Variants in TBC1D5 observed in about 807,000 individuals in gnomAD.
TBC1D5 encodes the protein TBC1 domain family member 5.
A neutral mutation model predicts 100.3 loss-of-function variants in TBC1D5; 75 were observed. That is an observed-to-expected ratio of 0.75 (90% CI 0.62 to 0.91). The LOEUF (loss-of-function observed/expected upper bound fraction) is 0.91. Ranked by LOEUF, TBC1D5 falls within the 40% of genes least tolerant of loss-of-function variation. TBC1D5 has a pLI of 0.00. For synonymous variants in TBC1D5, 323 were observed against 325.6 expected, an observed-to-expected ratio of 0.99 and a Z score of 0.09; for missense variants, 910 against 942.4, an observed-to-expected ratio of 0.97 and a Z score of 0.45.
upstream of TBC1D5, among the ~76,000 whole-genome samples, chr3:17,741,907 T>C (rs539687609): frequency 1.5e-4 from 22 of 147,844 alleles, no homozygotes; most frequent in Admixed American, 5.5e-4. Context: ...CACGGTTCCC[T>C]TCCTCAAAAG....
intron 18 of TBC1D5, among the ~76,000 whole-genome samples, chr3:17,208,814 G>A (rs957784275): frequency 3.3e-5 from 5 of 152,170 alleles, no homozygotes; most frequent in African/African-American, 1.2e-4. Context: ...GTCTCCATAT[G>A]CCTTTCTCAT....
At chr3:17,212,419 A>C (rs1174973735) in intron 18 of TBC1D5, among the ~76,000 whole-genome samples, 2 of 152,218 alleles carry the variant, frequency 1.3e-5, no homozygotes, top group Non-Finnish European at 2.9e-5. Flanking sequence ...AGTGAATAAT[A>C]ATAATCGACT....
rs79993467 is a variant in TBC1D5 at position 17,194,315 on chromosome 3, G to C, written c.1753-9107C>G. Reference sequence around the variant, plus strand: ...AAGCGTATTTGGTGACAGTCCGAAAGACCTCTTCTCAACATGGAGTAGGAT... The same window carrying C: ...AAGCGTATTTGGTGACAGTCCGAAACACCTCTTCTCAACATGGAGTAGGAT... On this transcript the variant is annotated intron_variant, in intron 18 of 21. Transcript: ENST00000253692. 3.5e-3 allele frequency among the ~76,000 whole-genome samples: 535 copies of C among 152,334 alleles called. 4 individuals carry two copies. The highest frequency in any genetic ancestry group is 9.9e-3 in the Admixed American group (151 of 15,296).
intron 1 of TBC1D5, among the ~76,000 whole-genome samples, chr3:17,725,049 C>T (rs957972665): frequency 2.6e-5 from 4 of 152,068 alleles, no homozygotes; most frequent in Non-Finnish European, 5.9e-5. Flanking sequence ...TCAATAAATA[C>T]AGTTGTTTTA....
exon 1 of TBC1D5, chr3:17,740,694 C>T (rs1577952815): frequency 6.6e-6 from 1 of 152,204 alleles, no homozygotes; most frequent in East Asian, 1.9e-4. Flanking sequence ...TTCCAAAACT[C>T]AGGAATGCAC....
At chr3:17,673,311 C>CTG (rs1553910520) in intron 1 of TBC1D5, among the ~76,000 whole-genome samples, 2 of 125,982 alleles carry the variant, frequency 1.6e-5, no homozygotes, top group Non-Finnish European at 3.3e-5. Context: ...CTTTTCTTTT[C>CTG]TTTTTTTTTT....
intron 13 of TBC1D5, among the ~76,000 whole-genome samples, chr3:17,324,507 A>G (rs564161461): frequency 6.6e-6 from 1 of 152,098 alleles, no homozygotes; most frequent in South Asian, 2.1e-4. Flanking sequence ...AGCCGGGTGT[A>G]GTGGTGGGCA....
intron 3 of TBC1D5, among the ~76,000 whole-genome samples, chr3:17,505,226 G>A (rs1437712771): frequency 2.6e-5 from 4 of 152,044 alleles, no homozygotes; most frequent in African/African-American, 7.2e-5. Context: ...TTGATCAGGG[G>A]CTGATCCTTC....
intron 3 of TBC1D5, among the ~76,000 whole-genome samples, chr3:17,455,162 GTA>G (rs1266178473): frequency 1.5e-5 from 2 of 136,782 alleles, no homozygotes; most frequent in African/African-American, 5.8e-5. Context: ...AAAAAAAAAA[GTA>G]TACACACACA....
At chr3:17,210,158 G>C (rs968371780) in intron 18 of TBC1D5, among the ~76,000 whole-genome samples, 1 of 151,742 alleles carries the variant, frequency 6.6e-6, no homozygotes, top group South Asian at 2.1e-4. Context: ...GACAGATGTT[G>C]AATCTAGGTT....
intron 1 of TBC1D5, among the ~76,000 whole-genome samples, chr3:17,717,661 GTTAT>G (rs1208991541): frequency 1.3e-5 from 2 of 152,124 alleles, no homozygotes; most frequent in African/African-American, 4.8e-5. Context: ...TAAATGCTGA[GTTAT>G]TTATAATCTA....
At chr3:17,449,782 G>A (rs1380952640) in intron 3 of TBC1D5, among the ~76,000 whole-genome samples, 1 of 152,230 alleles carries the variant, frequency 6.6e-6, no homozygotes, top group East Asian at 1.9e-4. Context: ...AGCACCTGGG[G>A]GAAGGGGCGG....
chr3:17,180,751 T>C (rs749648852), intron 19 of TBC1D5, among the ~76,000 whole-genome samples: 23 of 152,048 alleles, frequency 1.5e-4, no homozygotes, highest in Non-Finnish European at 2.6e-4. Context: ...CATGGAATAA[T>C]AGACACTGGA....
At chr3:17,336,276 C>G (rs1187780426) in intron 13 of TBC1D5, among the ~76,000 whole-genome samples, 1 of 151,800 alleles carries the variant, frequency 6.6e-6, no homozygotes, top group East Asian at 1.9e-4. Context: ...GCCTAGAAAA[C>G]AAAGGGAAGA....
chr3:17,674,755 T>C (rs1380074181), intron 1 of TBC1D5, among the ~76,000 whole-genome samples: 2 of 152,028 alleles, frequency 1.3e-5, no homozygotes, highest in Admixed American at 6.6e-5. Context: ...ACATAGAAAG[T>C]ACAGTAAACA....
At chr3:17,695,862 A>G (rs971459336) in intron 1 of TBC1D5, among the ~76,000 whole-genome samples, 35 of 152,350 alleles carry the variant, frequency 2.3e-4, no homozygotes, top group Admixed American at 1.2e-3. Flanking sequence ...AGCACTCCTC[A>G]GCAAATGTAA....
chr3:17,517,619 G>A (rs1338325789), intron 2 of TBC1D5, among the ~76,000 whole-genome samples: 1 of 152,010 alleles, frequency 6.6e-6, no homozygotes, highest in Non-Finnish European at 1.5e-5. Context: ...CAAAAAAATA[G>A]TTTTTTGATT....
chr3:17,316,765 A>G (rs1336223759), intron 13 of TBC1D5, among the ~76,000 whole-genome samples: 1 of 152,184 alleles, frequency 6.6e-6, no homozygotes, highest in East Asian at 1.9e-4. Flanking sequence ...TGACTTGGCA[A>G]TACTCATCTT....
chr3:17,676,204 T>G (rs1184509010), intron 1 of TBC1D5, among the ~76,000 whole-genome samples: 1 of 152,202 alleles, frequency 6.6e-6, no homozygotes, highest in Admixed American at 6.6e-5. Flanking sequence ...AGAAATAATT[T>G]CAATCCTTCT....
Sources: gnomAD v4.1 joint callset for allele counts (sites outside exome capture counted in the v4.1 genomes callset) on GRCh38, gnomAD v4.1.1 for gene constraint, MANE v1.5 for transcripts, NCBI Gene and HGNC (gene_info 2026-07-23, HGNC 2026-07-21) for gene names.